MUS81: variants seen among roughly 807,000 people sequenced by gnomAD.
MUS81 encodes the protein structure-specific endonuclease subunit MUS81.
In MUS81, 69 loss-of-function variants were observed where a neutral mutation model predicts 74.2. The observed-to-expected ratio is 0.93, with a 90% CI of 0.77 to 1.14. The LOEUF is 1.14. Among genes scored for constraint, MUS81 ranks in the 50% most tolerant of loss-of-function variants. MUS81 has a pLI of 0.00. For missense variants in MUS81, 711 were observed against 726.5 expected, an observed-to-expected ratio of 0.98 and a Z score of 0.25; for synonymous variants, 303 against 300.6, an observed-to-expected ratio of 1.01 and a Z score of -0.08.
At chr11:65,865,741 C>G (rs899892802) in intron 14 of MUS81, 70 bp from the exon 15 acceptor site, 72 of 1,487,904 alleles carry the variant, frequency 4.8e-5, no homozygotes, top group Non-Finnish European at 6.3e-5. Flanking sequence ...ACCCCTCTGC[C>G]TGGCCCCTCA....
chr11:65,866,175 G>GAA lies in MUS81; in HGVS notation c.*124_*125dup. 1.1e-6 allele frequency: 1 copy of GAA among 937,086 alleles called. No homozygotes were observed. Among genetic ancestry groups the GAA allele is most frequent in the Non-Finnish European group, 1.6e-6 (1 of 629,006 alleles). The allele number at this position is 937,086 out of a possible 1,614,324, so 58.0% of individuals were successfully genotyped here. ...TGTTTGCAGCCATATGTGTCATGTA[G>GAA]AAGATGCCTAGCCCTGGGGACCTTG... is the stretch of plus-strand genomic sequence containing the variant. On this transcript the variant is annotated 3_prime_UTR_variant, in exon 16 of 16. Transcript: ENST00000308110.
chr11:65,859,915 C>A, upstream of MUS81: 1 of 196,130 alleles, frequency 5.1e-6, no homozygotes, highest in East Asian at 1.2e-4. Context: ...CCTGCTCCTC[C>A]GCTCCCAAAC....
At position 65,863,474 on chromosome 11, in the gene MUS81, T is replaced by C; in HGVS notation, c.811T>C (p.Leu271=). The C allele has an allele frequency of 6.2e-7, 1 of 1,613,954 alleles. No homozygotes were observed. The highest frequency in any genetic ancestry group is 8.5e-7 in the Non-Finnish European group (1 of 1,179,974). The part of the protein sequence containing the change: ...ELRPGEYRVL[L]CVDIGETRGG... ...GAGGCCTGGAGAGTACAGGGTGCTG[T>C]TGTGTGTGGACATTGGCGAGACCCG... Residue 271 remains leucine (L), a synonymous_variant, in exon 8 of 16, where the codon TTG becomes CTG. Coordinates refer to ENST00000308110, the MANE Select transcript of MUS81 (RefSeq NM_025128.5).
chr11:65,864,042 A>T, intron 10 of MUS81, 141 bp downstream of exon 10: 1 of 808,378 alleles, frequency 1.2e-6, no homozygotes. Context: ...TGGCTGCTCC[A>T]GGATCAGACC....
At chr11:65,867,275 C>G (rs1468708824), downstream of MUS81, 1 of 640,872 alleles carries the variant, frequency 1.6e-6, no homozygotes, top group Non-Finnish European at 2.7e-6. Flanking sequence ...CCTCAGAAAT[C>G]TCCTGCTGGG....
chr11:65,865,266 G>T lies in MUS81; in HGVS notation c.1448G>T (p.Arg483Leu). The change falls in exon 14 of 16, where the codon CGC (arginine) becomes CTC (leucine). Residue 483 changes from arginine (R) to leucine (L), a missense_variant. Arg to Leu is a moderately radical substitution (Grantham distance 102). Transcript: ENST00000308110. Reference sequence around the variant, plus strand: ...TTTGCCCGGCAGCTGATGCAGGTGCGCGGAGTGAGTGGGGAGAAGGCAGCA... The same window carrying T: ...TTTGCCCGGCAGCTGATGCAGGTGCTCGGAGTGAGTGGGGAGAAGGCAGCA... ...EVFARQLMQV[R>L]GVSGEKAAAL... The T allele has an allele frequency of 6.2e-7, 1 of 1,614,184 alleles. No individual in the cohort carries two copies. Among genetic ancestry groups the T allele is most frequent in the South Asian group, 1.1e-5 (1 of 91,084 alleles).
rs539638692 is a variant in MUS81 at position 65,860,892 on chromosome 11, G to A, written c.135+4G>A. The A allele has an allele frequency of 1.3e-6, 2 of 1,595,014 alleles. No homozygotes were observed. Among genetic ancestry groups the A allele is most frequent in the Non-Finnish European group, 8.5e-7 (1 of 1,172,964 alleles). ...CACGCGCTTCGTATTTCAGAAGGTG[G>A]GTCCTGGCGTGGCCCGATGGGAAAA... On this transcript the variant is annotated splice_donor_region_variant and intron_variant, in intron 1 of 15. Coordinates refer to ENST00000308110, the MANE Select transcript of MUS81 (RefSeq NM_025128.5).
chr11:65,866,455 C>T (rs1324133681), downstream of MUS81: 1 of 700,524 alleles, frequency 1.4e-6, no homozygotes, highest in South Asian at 1.5e-5. Flanking sequence ...AGTCCAGTTG[C>T]CTCGTTTTAT....
At chr11:65,864,138 G>A (rs1045354315) in intron 10 of MUS81, 3 of 599,174 alleles carry the variant, frequency 5.0e-6, no homozygotes, top group East Asian at 2.8e-5. Flanking sequence ...GACCTCTTGG[G>A]TACCCAGCCC....
At chr11:65,864,050 A>AC (rs1469071301) in intron 10 of MUS81, 149 bp downstream of exon 10, 2 of 759,378 alleles carry the variant, frequency 2.6e-6, no homozygotes, top group Non-Finnish European at 4.4e-6. Context: ...CCAGGATCAG[A>AC]CCCCCACAGG....
Position 65,864,556 on chromosome 11 carries a change from C to T in MUS81, c.1119C>T (p.Ser373=), listed in dbSNP as rs146039854. The change falls in exon 11 of 16, where the codon TCC becomes TCT. Residue 373 remains serine, a synonymous_variant. Transcript: ENST00000308110. ...RRVYLVEEHG[S]VHNLSLPEST... is the part of the protein sequence containing the mutation. ...TATACCTGGTGGAAGAGCATGGTTCCGTCCACAACCTCAGCCTTCCTGAGA... is the reference window on the plus strand; with the variant it reads ...TATACCTGGTGGAAGAGCATGGTTCTGTCCACAACCTCAGCCTTCCTGAGA... The T allele has an allele frequency of 1.2e-4, 196 of 1,614,060 alleles. No individual in the cohort carries two copies. The highest frequency in any genetic ancestry group is 1.6e-4 in the Non-Finnish European group (191 of 1,180,032).
At chr11:65,865,176 G>A in intron 13 of MUS81, 31 bp downstream of exon 13, 1 of 1,614,180 alleles carries the variant, frequency 6.2e-7, no homozygotes, top group Non-Finnish European at 8.5e-7. Context: ...CTCAGACATG[G>A]CCTGGCCCAG....
Position 65,866,146 on chromosome 11 carries a change from T to C in MUS81, c.*94T>C. On this transcript the variant is annotated 3_prime_UTR_variant, in exon 16 of 16. Coordinates refer to ENST00000308110, the MANE Select transcript of MUS81 (RefSeq NM_025128.5). The stretch of plus-strand genomic sequence containing the variant: ...CATCTTTTGGGGTACAATTAGAATC[T>C]AAGTGTTTGCAGCCATATGTGTCAT... 1 of 1,262,550 alleles carries C rather than the reference T, an allele frequency of 7.9e-7. No individual in the cohort carries two copies. The highest frequency in any genetic ancestry group is 1.1e-6 in the Non-Finnish European group (1 of 903,170). 78.2% of individuals were successfully genotyped at this position (1,262,550 alleles called of 1,614,324 possible).
At chr11:65,862,888 G>A (rs527275795) in intron 6 of MUS81, among the ~76,000 whole-genome samples, 177 bp from the exon 7 acceptor site, 1 of 152,222 alleles carries the variant, frequency 6.6e-6, no homozygotes, top group Non-Finnish European at 1.5e-5. Flanking sequence ...GAATGGCGCT[G>A]AGCAGGCCCA....
Position 65,864,608 on chromosome 11 carries a change from ACT to A in MUS81, c.1173_1174del (p.Gln392GlyfsTer3). 1 of 1,613,676 alleles carries A rather than the reference ACT, an allele frequency of 6.2e-7. No individual in the cohort carries two copies. The highest frequency in any genetic ancestry group is 8.5e-7 in the Non-Finnish European group (1 of 1,179,808). On this transcript the variant is annotated frameshift_variant, in exon 11 of 16. Transcript: ENST00000308110. LOFTEE classifies it high-confidence loss of function. ...CACACTGCTGCAGGCTGTCACCAAC[ACT>A]CAGGTGAGCTGGGAGGGCAGGGCCA... is the stretch of plus-strand genomic sequence containing the variant. ...ESTLLQAVTNTQVIDGFFVKR... is the reference protein window; with the variant it reads ...ESTLLQAVTNXQVIDGFFVKR...
At chr11:65,863,382 G>A in intron 7 of MUS81, 28 bp from the exon 8 acceptor site, 2 of 1,613,438 alleles carry the variant, frequency 1.2e-6, no homozygotes, top group African/African-American at 1.3e-5. Context: ...AGGGGTTCTG[G>A]CCTCACATAC....
chr11:65,867,539 C>T (rs1339267266), downstream of MUS81: 5 of 464,154 alleles, frequency 1.1e-5, no homozygotes, highest in Non-Finnish European at 2.0e-5. Context: ...TCCCACCTAA[C>T]AGATCCACTA....
rs75034975 is a variant in MUS81, at chr11:65,864,771, G to A, written c.1228G>A (p.Ala410Thr). ...KRTADIKESA[A>T]YLALLTRGLQ... ...CACAGCAGACATTAAGGAGTCAGCC[G>A]CCTACCTGGCCCTCTTGACGCGGGG... Residue 410 changes from alanine (A) to threonine (T), a missense_variant, in exon 12 of 16, where the codon GCC becomes ACC. Coordinates refer to ENST00000308110, the MANE Select transcript of MUS81 (RefSeq NM_025128.5). 5.4e-4 allele frequency: 870 copies of A among 1,613,870 alleles called. 4 individuals are homozygous for A. The East Asian group carries it at 0.017, about 32-fold the overall frequency.
Position 65,866,069 on chromosome 11 carries a change from A to G in MUS81, c.*17A>G. On this transcript the variant is annotated 3_prime_UTR_variant, in exon 16 of 16. Coordinates refer to ENST00000308110, the MANE Select transcript of MUS81 (RefSeq NM_025128.5). ...TTGACCTGAGCTTATGCCGTGAAAC[A>G]GCCCCCAGCCCCCGTCTGTCCCCCA... 1 of 1,610,344 alleles carries G rather than the reference A, an allele frequency of 6.2e-7. No homozygotes were observed. Among genetic ancestry groups the G allele is most frequent in the Non-Finnish European group, 8.5e-7 (1 of 1,178,112 alleles).
Sources: gnomAD v4.1 joint callset for allele counts (sites outside exome capture counted in the v4.1 genomes callset) on GRCh38, gnomAD v4.1.1 for gene constraint, MANE v1.5 for transcripts, NCBI Gene and HGNC (gene_info 2026-07-23, HGNC 2026-07-21) for gene names.